The following BCKDHB variants were observed in gnomAD, a reference collection of about 807,000 sequenced individuals.
BCKDHB encodes the protein branched chain keto acid dehydrogenase E1 subunit beta, also known as 2-oxoisovalerate dehydrogenase subunit beta, mitochondrial.
BCKDHB carries 41 observed loss-of-function variants against 48.5 expected under a neutral mutation model. The ratio of observed to expected loss-of-function variants is 0.85; its 90% CI spans 0.66 to 1.10. The LOEUF is 1.10. BCKDHB is among the 50% of genes least tolerant of loss of function. The pLI is 0.00. For synonymous variants in BCKDHB, 201 were observed against 174.8 expected (o/e 1.15, Z -1.18); for missense variants, 496 against 494.2 (o/e 1.00, Z -0.03).
chr6:80,110,123 T>TAA (rs1248399659), intron 1 of BCKDHB, among the ~76,000 whole-genome samples: 3 of 152,254 alleles, frequency 2.0e-5, no homozygotes, highest in Non-Finnish European at 4.4e-5. Context: ...TGGTGACACT[T>TAA]ATGCTGCTTT....
chr6:80,416,713 TAC>T, the BCKDHB span, among the ~76,000 whole-genome samples: 1 of 152,048 alleles, frequency 6.6e-6, no homozygotes, highest in Admixed American at 6.5e-5. Context: ...GTGATCAATT[TAC>T]AGTTGTCCCA....
At chr6:80,147,712 A>T (rs769342514) in intron 3 of BCKDHB, among the ~76,000 whole-genome samples, 2 of 152,022 alleles carry the variant, frequency 1.3e-5, no homozygotes, top group African/African-American at 2.4e-5. Context: ...CACCCTCAAG[A>T]TTTCTGATTT....
chr6:80,200,771 A>G (rs1409562817), intron 6 of BCKDHB, among the ~76,000 whole-genome samples, 163 bp from the exon 7 acceptor site: 5 of 152,140 alleles, frequency 3.3e-5, no homozygotes, highest in African/African-American at 1.2e-4. Context: ...CAGTAATGTC[A>G]TGGAGCCATA....
chr6:80,204,171 T>C (rs1774528828), intron 8 of BCKDHB, among the ~76,000 whole-genome samples: 1 of 152,076 alleles, frequency 6.6e-6, no homozygotes, highest in South Asian at 2.1e-4. Flanking sequence ...CTTTCTTGGG[T>C]TAGTTACATG....
the BCKDHB span, among the ~76,000 whole-genome samples, chr6:80,449,517 G>A: frequency 6.6e-6 from 1 of 152,016 alleles, no homozygotes; most frequent in Non-Finnish European, 1.5e-5. Context: ...TAAAAATGAG[G>A]CAAGGTTATG....
At chr6:80,397,027 A>G in the BCKDHB span, among the ~76,000 whole-genome samples, 1 of 152,076 alleles carries the variant, frequency 6.6e-6, no homozygotes, top group Non-Finnish European at 1.5e-5. Context: ...CAATTCTTAC[A>G]CTTCAGAACT....
At chr6:80,126,987 C>T (rs1296630950) in intron 1 of BCKDHB, among the ~76,000 whole-genome samples, 1 of 152,054 alleles carries the variant, frequency 6.6e-6, no homozygotes. Context: ...GACACTGGCT[C>T]ACAGATATTC....
At chr6:80,290,496 G>A (rs4706829) in intron 9 of BCKDHB, among the ~76,000 whole-genome samples, 139,535 of 152,256 alleles carry the variant, frequency 0.92, 64,027 homozygotes, top group East Asian at 0.99. Context: ...GAGGAAGAAC[G>A]AAAGAGCCTC....
rs557361280 is a variant in BCKDHB, at chr6:80,112,095, G to A, written c.196+5206G>A. ...AGACTTATTTACTTAATTTATGAGC[G>A]CTCCTTTAATTATAAGCCAATCTGA... On this transcript the variant is annotated intron_variant, in intron 1 of 9. Transcript: ENST00000320393. Among the ~76,000 whole-genome samples, 13 of 152,230 alleles carry A rather than the reference G, an allele frequency of 8.5e-5. No individual in the cohort carries two copies. In the South Asian group the frequency reaches 1.5e-3, roughly 17 times the overall value.
chr6:80,168,843 T>C, intron 4 of BCKDHB, 32 bp from the exon 5 acceptor site: 1 of 1,612,280 alleles, frequency 6.2e-7, no homozygotes, highest in Non-Finnish European at 8.5e-7. Context: ...GGACTCATTG[T>C]GCCATGCCCC....
chr6:80,366,076 T>C, the BCKDHB span, among the ~76,000 whole-genome samples: 10 of 152,210 alleles, frequency 6.6e-5, no homozygotes, highest in Non-Finnish European at 2.9e-5. Flanking sequence ...TGCAGGCCAA[T>C]TTTACTCTTT....
chr6:80,256,010 A>G (rs901659316), intron 8 of BCKDHB, among the ~76,000 whole-genome samples: 6 of 152,118 alleles, frequency 3.9e-5, no homozygotes, highest in South Asian at 2.1e-4. Flanking sequence ...TTTCCCCCCA[A>G]AGGCTGAAAG....
At chr6:80,443,131 G>A in the BCKDHB span, among the ~76,000 whole-genome samples, 1 of 152,076 alleles carries the variant, frequency 6.6e-6, no homozygotes, top group Non-Finnish European at 1.5e-5. Flanking sequence ...ATGGCTCTAA[G>A]CATCCCTTTT....
chr6:80,191,979 A>T (rs1390609155), intron 6 of BCKDHB, among the ~76,000 whole-genome samples: 2 of 152,214 alleles, frequency 1.3e-5, no homozygotes, highest in Non-Finnish European at 2.9e-5. Flanking sequence ...AGAAATGTGG[A>T]CACTGATATA....
chr6:80,459,414 A>G, the BCKDHB span, among the ~76,000 whole-genome samples: 1 of 152,152 alleles, frequency 6.6e-6, no homozygotes, highest in Non-Finnish European at 1.5e-5. Flanking sequence ...CACTCATATG[A>G]AGTATCTAAA....
At chr6:80,216,132 A>G (rs1775161399) in intron 8 of BCKDHB, among the ~76,000 whole-genome samples, 1 of 152,254 alleles carries the variant, frequency 6.6e-6, no homozygotes. Context: ...TTTTGTATTC[A>G]AACAGTTCTT....
the BCKDHB span, among the ~76,000 whole-genome samples, chr6:80,400,165 G>T: frequency 9.3e-4 from 141 of 151,914 alleles, no homozygotes; most frequent in Non-Finnish European, 1.9e-4. Context: ...CTGAACACAG[G>T]AATGGGCAAA....
At chr6:80,239,815 A>C (rs1562165621) in intron 8 of BCKDHB, among the ~76,000 whole-genome samples, 4 of 152,244 alleles carry the variant, frequency 2.6e-5, no homozygotes, top group Middle Eastern at 3.4e-3. Context: ...TCAGCTTTCT[A>C]CGTATGGCTA....
rs1408627462 is a variant in BCKDHB at position 80,277,192 on chromosome 6, C to A, written c.1038+3971C>A. ...CAATGACTATAGAGTTTAGATAATTCATTGTTCTTTTTATTGTGTATTTTA... is the reference window on the plus strand; with the variant it reads ...CAATGACTATAGAGTTTAGATAATTAATTGTTCTTTTTATTGTGTATTTTA... On this transcript the variant is annotated intron_variant, in intron 9 of 9. Coordinates refer to ENST00000320393, the MANE Select transcript of BCKDHB (RefSeq NM_183050.4). 2.6e-5 allele frequency among the ~76,000 whole-genome samples: 4 copies of A among 151,970 alleles called. No homozygotes were observed. The East Asian group carries it at 7.7e-4, about 29-fold the overall frequency.
Sources: gnomAD v4.1 joint callset for allele counts (sites outside exome capture counted in the v4.1 genomes callset) on GRCh38, gnomAD v4.1.1 for gene constraint, MANE v1.5 for transcripts, NCBI Gene and HGNC (gene_info 2026-07-23, HGNC 2026-07-21) for gene names.